The following ADGRA2 variants were observed in gnomAD, a reference collection of about 807,000 sequenced individuals.
ADGRA2 encodes adhesion G protein-coupled receptor A2.
ADGRA2 carries 61 observed loss-of-function variants against 98.7 expected under a neutral mutation model. The observed-to-expected ratio is 0.62, with a 90% CI of 0.50 to 0.76. ADGRA2 has a LOEUF of 0.76. Among genes scored for constraint, ADGRA2 ranks in the 30% least tolerant of loss-of-function variants. The pLI, the probability that ADGRA2 is intolerant of heterozygous loss-of-function variation, is 0.00. For missense variants in ADGRA2, 1,712 were observed against 1,860.0 expected, an observed-to-expected ratio of 0.92 and a Z score of 1.46; for synonymous variants, 858 against 831.5, an observed-to-expected ratio of 1.03 and a Z score of -0.55.
chr8:37,812,670 A>ATTT (rs35078864), intron 1 of ADGRA2, among the ~76,000 whole-genome samples: 1 of 146,146 alleles, frequency 6.8e-6, no homozygotes, highest in Non-Finnish European at 1.5e-5. Context: ...GAGTTGCAGA[A>ATTT]TTTTTTTTTT....
rs1805553962 is a variant in ADGRA2 at position 37,834,617 on chromosome 8, A to G, written c.1608+489A>G. On this transcript the variant is annotated intron_variant, in intron 11 of 18. Transcript: ENST00000412232. This position sits in a 1 kb window ranked among gnomAD's most constrained non-coding sequence, Gnocchi z 4.2. ...TCGGGCAACAGAACTGGCATACTTA[A>G]GAGGTGAGCAAGAAGCCTGTAATCC... 6.6e-6 allele frequency among the ~76,000 whole-genome samples: 1 copy of G among 152,158 alleles called. No individual in the cohort carries two copies. Among genetic ancestry groups the G allele is most frequent in the South Asian group, 2.1e-4 (1 of 4,822 alleles).
intron 2 of ADGRA2, among the ~76,000 whole-genome samples, chr8:37,823,360 C>G (rs1805180822): frequency 1.3e-5 from 2 of 151,862 alleles, no homozygotes; most frequent in South Asian, 4.2e-4. Context: ...CACCACCATG[C>G]CTGGCCAATT....
At chr8:37,838,845 A>C in intron 14 of ADGRA2, 111 bp from the exon 15 acceptor site, 2 of 1,305,036 alleles carry the variant, frequency 1.5e-6, no homozygotes, top group South Asian at 3.0e-5. Context: ...CAGATGAACT[A>C]AGCACCAAAG....
chr8:37,819,145 C>T (rs1805060549), intron 2 of ADGRA2, among the ~76,000 whole-genome samples: 1 of 152,110 alleles, frequency 6.6e-6, no homozygotes, highest in Non-Finnish European at 1.5e-5. Context: ...CATTATGGAT[C>T]TAAAATTCTA....
At chr8:37,838,050 TG>T (rs1805671369) in intron 14 of ADGRA2, 111 bp downstream of exon 14, 5 of 932,264 alleles carry the variant, frequency 5.4e-6, no homozygotes. Flanking sequence ...CAGAAAGGAC[TG>T]CAGCCCTAAT....
chr8:37,840,226 GAA>G lies in ADGRA2; in HGVS notation c.2618_2619del (p.Glu873GlyfsTer115). On this transcript the variant is annotated frameshift_variant, in exon 17 of 19. Coordinates refer to ENST00000412232, the MANE Select transcript of ADGRA2 (RefSeq NM_032777.10). LOFTEE classifies it high-confidence loss of function. ...ELTWRAPPPQ[E>X]GDPALPTPSP... Reference sequence around the variant, plus strand: ...CACCTGGAGGGCACCCCCTCCGCAAGAAGGGGACCCCGCTCTGCCTACTCCCA... The same window carrying G: ...CACCTGGAGGGCACCCCCTCCGCAAGGGGGACCCCGCTCTGCCTACTCCCA... 6.2e-7 allele frequency: 1 copy of G among 1,613,044 alleles called. No homozygotes were observed. Among genetic ancestry groups the G allele is most frequent in the South Asian group, 1.1e-5 (1 of 91,088 alleles).
At chr8:37,827,790 T>C (rs1159015442) in intron 2 of ADGRA2, among the ~76,000 whole-genome samples, 2 of 152,102 alleles carry the variant, frequency 1.3e-5, no homozygotes, top group Non-Finnish European at 2.9e-5. Context: ...GCCTGACCTG[T>C]TTCCTCGCCT....
chr8:37,826,932 G>A (rs1805300300), intron 2 of ADGRA2, among the ~76,000 whole-genome samples: 1 of 152,118 alleles, frequency 6.6e-6, no homozygotes, highest in Admixed American at 6.5e-5. Context: ...GGGTGGTAAG[G>A]CCTGGGAAAG....
intron 17 of ADGRA2, 40 bp from the exon 18 acceptor site, chr8:37,840,720 T>C (rs1026675561): frequency 1.9e-6 from 2 of 1,041,790 alleles, no homozygotes; most frequent in Non-Finnish European, 3.0e-6. Context: ...TCCCTTCCCT[T>C]TCCCCATCTC....
At position 37,842,738 on chromosome 8, in the gene ADGRA2, G is replaced by C. The variant is rs141088652; in HGVS notation, c.*383G>C. 2.6e-5 allele frequency: 5 copies of C among 192,536 alleles called. No individual in the cohort carries two copies. Among genetic ancestry groups the C allele is most frequent in the African/African-American group, 4.6e-5 (2 of 43,210 alleles). The allele number at this position is 192,536 out of a possible 1,614,324, so 11.9% of individuals were successfully genotyped here. A position where few individuals can be genotyped will look rare whatever the true frequency, so the allele number is the denominator to read the frequency against. Reference sequence around the variant, plus strand: ...AGCCTCACCAGCAAAGCAGAGATGAGAGCGTGGGAACTGTGTTCTTTCCTC... The same window carrying C: ...AGCCTCACCAGCAAAGCAGAGATGACAGCGTGGGAACTGTGTTCTTTCCTC... On this transcript the variant is annotated 3_prime_UTR_variant, in exon 19 of 19. Transcript: ENST00000412232.
intron 8 of ADGRA2, among the ~76,000 whole-genome samples, chr8:37,832,564 G>A (rs1449025858): frequency 6.6e-6 from 1 of 152,140 alleles, no homozygotes; most frequent in Non-Finnish European, 1.5e-5. Context: ...TCAAACCCCT[G>A]GGCTCAAGCA....
At chr8:37,836,462 C>T (rs1234488637) in intron 13 of ADGRA2, among the ~76,000 whole-genome samples, 2 of 152,104 alleles carry the variant, frequency 1.3e-5, no homozygotes, top group African/African-American at 4.8e-5. Flanking sequence ...TGGGAGACAC[C>T]GAGTGTCTGA....
intron 1 of ADGRA2, among the ~76,000 whole-genome samples, chr8:37,805,713 C>T (rs1804638720): frequency 6.6e-6 from 1 of 151,718 alleles, no homozygotes; most frequent in Non-Finnish European, 1.5e-5. Flanking sequence ...ACTAAAAATA[C>T]AAAAAATTAG....
At chr8:37,816,504 A>G (rs1162055575) in intron 2 of ADGRA2, among the ~76,000 whole-genome samples, 1 of 150,650 alleles carries the variant, frequency 6.6e-6, no homozygotes, top group African/African-American at 2.5e-5. Context: ...AGGCACCAGA[A>G]TCTCTTGAAC....
chr8:37,827,744 G>T (rs1285086422), intron 2 of ADGRA2, among the ~76,000 whole-genome samples: 1 of 152,220 alleles, frequency 6.6e-6, no homozygotes, highest in Non-Finnish European at 1.5e-5. Context: ...GCCCTGGAGA[G>T]GAGCCAGGCA....
intron 1 of ADGRA2, among the ~76,000 whole-genome samples, chr8:37,801,297 C>G (rs1804495360): frequency 6.6e-6 from 1 of 152,160 alleles, no homozygotes; most frequent in Admixed American, 6.5e-5. Flanking sequence ...TCCCACCCCA[C>G]CCCCCAGGCT....
chr8:37,826,269 C>T (rs369995170), intron 2 of ADGRA2, among the ~76,000 whole-genome samples: 1 of 152,144 alleles, frequency 6.6e-6, no homozygotes, highest in Admixed American at 6.5e-5. Flanking sequence ...CCAACAGGGG[C>T]CAGGGGGCAC....
chr8:37,842,133 G>A lies in ADGRA2; in HGVS notation c.3795G>A (p.Glu1265=). Residue 1265 remains glutamate, a synonymous_variant, in exon 19 of 19, where the codon GAG becomes GAA. Coordinates refer to ENST00000412232, the MANE Select transcript of ADGRA2 (RefSeq NM_032777.10). ...ACACCAGCGCCGCGCCGCTTTCTGAGGCGGGCCGGGCAGGCCAGCGCCGCA... is the reference window on the plus strand; with the variant it reads ...ACACCAGCGCCGCGCCGCTTTCTGAAGCGGGCCGGGCAGGCCAGCGCCGCA... ...GSDTSAAPLS[E]AGRAGQRRSA... 1 of 1,494,250 alleles carries A rather than the reference G, an allele frequency of 6.7e-7. No homozygotes were observed. Among genetic ancestry groups the A allele is most frequent in the Non-Finnish European group, 8.9e-7 (1 of 1,129,862 alleles). The allele number at this position is 1,494,250 out of a possible 1,614,324, so 92.6% of individuals were successfully genotyped here. A position where few individuals can be genotyped will look rare whatever the true frequency, so the allele number is the denominator to read the frequency against.
intron 2 of ADGRA2, among the ~76,000 whole-genome samples, chr8:37,828,433 G>A (rs868677593): frequency 8.6e-5 from 13 of 150,874 alleles, no homozygotes; most frequent in South Asian, 6.3e-4. Context: ...ACCAGTGCCC[G>A]CTGATGGTAG....
Sources: allele counts gnomAD v4.1 joint callset (sites outside exome capture counted in the v4.1 genomes callset), GRCh38; gene constraint gnomAD v4.1.1; non-coding constraint Gnocchi (gnomAD v3.1); transcripts MANE v1.5; gene names NCBI Gene and HGNC (gene_info 2026-07-23, HGNC 2026-07-21).